PLS3: variants seen among roughly 807,000 people sequenced by gnomAD.
The protein encoded by PLS3 is plastin-3.
In PLS3, 11 loss-of-function variants were observed where a neutral mutation model predicts 46.5. The ratio of observed to expected loss-of-function variants is 0.24; its 90% CI spans 0.15 to 0.39. PLS3 has a LOEUF of 0.39. Among genes scored for constraint, PLS3 ranks in the 10% least tolerant of loss-of-function variants. The pLI is 1.00. For synonymous variants in PLS3, 167 were observed against 162.2 expected (o/e 1.03, Z -0.22); for missense variants, 308 against 461.8 (o/e 0.67, Z 3.05).
intron 13 of PLS3, 24 bp from the exon 14 acceptor site, chrX:115,647,526 G>A (rs368192108): frequency 2.6e-5 from 31 of 1,188,750 alleles, no homozygotes; most frequent in Non-Finnish European, 3.4e-5. Flanking sequence ...AGATGGTGAC[G>A]TTTTCTTCTG....
At chrX:115,608,935 CTAA>C (rs781991031) in intron 1 of PLS3, among the ~76,000 whole-genome samples, 36 of 109,549 alleles carry the variant, frequency 3.3e-4, no homozygotes, top group African/African-American at 1.2e-3. Flanking sequence ...TAAAACTACT[CTAA>C]TAATAATGTC....
At chrX:115,640,231 C>A in intron 8 of PLS3, 177 bp from the exon 9 acceptor site, 1 of 683,659 alleles carries the variant, frequency 1.5e-6, no homozygotes, top group Non-Finnish European at 2.2e-6. Context: ...ATATGCAAGA[C>A]AGATATAAGG....
At chrX:115,607,725 A>T (rs1185517357) in intron 1 of PLS3, among the ~76,000 whole-genome samples, 2 of 110,415 alleles carry the variant, frequency 1.8e-5, no homozygotes, top group Non-Finnish European at 3.8e-5. Flanking sequence ...CTGGCCTCGA[A>T]CTCCTGACCT....
intron 6 of PLS3, among the ~76,000 whole-genome samples, chrX:115,634,482 T>C (rs1368292862): frequency 8.9e-6 from 1 of 111,930 alleles, no homozygotes; most frequent in African/African-American, 3.2e-5. Context: ...GATGTGGACA[T>C]TGATAACTTC....
intron 1 of PLS3, among the ~76,000 whole-genome samples, chrX:115,581,593 A>C (rs1002387236): frequency 8.9e-6 from 1 of 112,025 alleles, no homozygotes. Context: ...GGAAAATTGA[A>C]TGAGATCATG....
chrX:115,649,377 G>C, intron 15 of PLS3, 52 bp from the exon 16 acceptor site: 1 of 1,052,716 alleles, frequency 9.5e-7, no homozygotes, highest in Admixed American at 2.4e-5. Context: ...GTCTTACGTG[G>C]TGTCCTTAAC....
At chrX:115,645,277 C>T (rs1427992188) in intron 11 of PLS3, among the ~76,000 whole-genome samples, 178 bp downstream of exon 11, 3 of 111,692 alleles carry the variant, frequency 2.7e-5, no homozygotes, top group African/African-American at 9.8e-5. Context: ...TATTCCTTTA[C>T]ATGATCGTTA....
intron 1 of PLS3, among the ~76,000 whole-genome samples, chrX:115,573,730 G>A (rs1420704030): frequency 1.8e-5 from 2 of 111,331 alleles, no homozygotes; most frequent in Non-Finnish European, 3.8e-5. Context: ...TTGAGATGGA[G>A]TATCGCTCTG....
Position 115,591,594 on chromosome X carries a change from A to G in PLS3, c.-8-18649A>G, listed in dbSNP as rs782437453. Among the ~76,000 whole-genome samples the G allele has an allele frequency of 2.7e-5, 3 of 112,103 alleles. No homozygotes were observed. In the Admixed American group the frequency reaches 2.8e-4, roughly 11 times the overall value. ...GGTTTGAGGCAACAGGTGTGGCTGAAGAAAAGGTAAGGCTGGGGAAAAACC... is the reference window on the plus strand; with the variant it reads ...GGTTTGAGGCAACAGGTGTGGCTGAGGAAAAGGTAAGGCTGGGGAAAAACC... On this transcript the variant is annotated intron_variant, in intron 1 of 15. Coordinates refer to ENST00000355899, the MANE Select transcript of PLS3 (RefSeq NM_005032.7).
intron 1 of PLS3, among the ~76,000 whole-genome samples, chrX:115,598,877 C>T (rs1163088497): frequency 9.0e-6 from 1 of 111,175 alleles, no homozygotes; most frequent in African/African-American, 3.3e-5. Flanking sequence ...CAATTTAACA[C>T]CAATGTTTTA....
chrX:115,581,332 G>T (rs2074278483), intron 1 of PLS3, among the ~76,000 whole-genome samples: 1 of 111,763 alleles, frequency 8.9e-6, no homozygotes, highest in South Asian at 3.7e-4. Flanking sequence ...TGGAGTTTGG[G>T]ATATGTTTAT....
intron 1 of PLS3, among the ~76,000 whole-genome samples, chrX:115,589,781 C>G (rs1356767883): frequency 8.9e-6 from 1 of 112,262 alleles, no homozygotes; most frequent in Non-Finnish European, 1.9e-5. Flanking sequence ...TTATGTGAAA[C>G]TCCCATAACT....
chrX:115,576,916 A>C (rs1287835870), intron 1 of PLS3, among the ~76,000 whole-genome samples: 1 of 112,650 alleles, frequency 8.9e-6, no homozygotes, highest in Non-Finnish European at 1.9e-5. Context: ...TGAAGAGCTG[A>C]GTCTAATCCA....
intron 1 of PLS3, among the ~76,000 whole-genome samples, chrX:115,577,598 T>A (rs930449389): frequency 3.6e-5 from 4 of 110,587 alleles, no homozygotes; most frequent in South Asian, 3.9e-4. Flanking sequence ...GTGCCTCAGC[T>A]CCCCAAGTAG....
At chrX:115,578,636 A>G (rs1171428887) in intron 1 of PLS3, among the ~76,000 whole-genome samples, 1 of 101,586 alleles carries the variant, frequency 9.8e-6, no homozygotes, top group African/African-American at 3.7e-5. Flanking sequence ...GAGGCAGAAG[A>G]ATGGCGTGAA....
intron 1 of PLS3, among the ~76,000 whole-genome samples, chrX:115,569,841 T>A (rs1055025964): frequency 8.9e-6 from 1 of 112,073 alleles, no homozygotes; most frequent in African/African-American, 3.2e-5. Context: ...CTCACTACCT[T>A]TCTTTTCTTT....
intron 5 of PLS3, among the ~76,000 whole-genome samples, chrX:115,633,640 G>A (rs1556639728): frequency 9.1e-6 from 1 of 110,264 alleles, no homozygotes; most frequent in Non-Finnish European, 1.9e-5. Context: ...ACAGGCACAT[G>A]CCACCATGCC....
In PLS3 at chrX:115,626,910, C is replaced by T. The variant is rs186077026; in HGVS notation, c.238-2288C>T. 5.1e-3 allele frequency among the ~76,000 whole-genome samples: 549 copies of T among 107,407 alleles called. 3 individuals are homozygous for T. The highest frequency in any genetic ancestry group is 7.5e-3 in the Non-Finnish European group (393 of 52,101). 93.3% of individuals were successfully genotyped at this position (107,407 alleles called of 115,157 possible). On this transcript the variant is annotated intron_variant, in intron 3 of 15. Coordinates refer to ENST00000355899, the MANE Select transcript of PLS3 (RefSeq NM_005032.7). ...TGTTGCCCAGGCTGAAGTGCAGTGG[C>T]CCATCTTGGCTCACTGCAACCTCCA...
chrX:115,586,673 G>A lies in PLS3; in HGVS notation c.-8-23570G>A, dbSNP rs781812405. 3.4e-4 allele frequency among the ~76,000 whole-genome samples: 5 copies of A among 14,572 alleles called. No individual in the cohort carries two copies. The South Asian group carries it at 0.038, about 111-fold the overall frequency. The allele number at this position is 14,572 out of a possible 115,157, so 12.7% of individuals were successfully genotyped here. A position where few individuals can be genotyped will look rare whatever the true frequency, so the allele number is the denominator to read the frequency against. ...AGCCTGGAGGATGGAGTGAGACTCC[G>A]TCTCAAAAAAAAAAAAAAAAAGTTT... On this transcript the variant is annotated intron_variant, in intron 1 of 15. Transcript: ENST00000355899.
Sources: allele counts gnomAD v4.1 joint callset (sites outside exome capture counted in the v4.1 genomes callset), GRCh38; gene constraint gnomAD v4.1.1; transcripts MANE v1.5; gene names NCBI Gene and HGNC (gene_info 2026-07-23, HGNC 2026-07-21).